AMY2B: variants seen among roughly 807,000 people sequenced by gnomAD.
AMY2B encodes amylase alpha 2B, also known as alpha-amylase 2B.
AMY2B carries 63 observed loss-of-function variants against 59.3 expected under a neutral mutation model. That is an observed-to-expected ratio of 1.06 (90% confidence interval 0.87 to 1.31). AMY2B has a LOEUF of 1.31. AMY2B is among the 50% of genes most tolerant of loss of function. The pLI is 0.00. For synonymous variants in AMY2B, 180 were observed against 198.1 expected (o/e 0.91, Z 0.77); for missense variants, 635 against 626.7 (o/e 1.01, Z -0.14).
intron 8 of AMY2B, 27 bp downstream of exon 8, chr1:103,577,635 T>C: frequency 6.2e-7 from 1 of 1,611,904 alleles, no homozygotes; most frequent in Non-Finnish European, 8.5e-7. Flanking sequence ...AGACATGTCC[T>C]CTAATAGTAA....
intron 3 of AMY2B, among the ~76,000 whole-genome samples, 154 bp from the exon 4 acceptor site, chr1:103,573,554 A>G (rs1336641300): frequency 6.6e-6 from 1 of 152,168 alleles, no homozygotes. Context: ...TCCAAGATAC[A>G]TCTATAGTAG....
chr1:103,570,544 C>T (rs1652086214), upstream of AMY2B: 1 of 607,338 alleles, frequency 1.6e-6, no homozygotes, highest in Non-Finnish European at 3.2e-6. Context: ...ATCGCATCCC[C>T]AGAGCACAAG....
At chr1:103,569,661 C>T (rs1652042911), upstream of AMY2B, 1 of 378,734 alleles carries the variant, frequency 2.6e-6, no homozygotes, top group Non-Finnish European at 5.3e-6. Context: ...ATCATCGGTG[C>T]CCCCGGCACC....
intron 1 of AMY2B, chr1:103,561,735 G>A (rs557516470): frequency 4.7e-4 from 72 of 152,074 alleles, no homozygotes; most frequent in African/African-American, 1.6e-3. Context: ...TGTAGAAAAA[G>A]GAAGGAAGAC....
chr1:103,562,976 G>C (rs368200466), intron 1 of AMY2B, among the ~76,000 whole-genome samples: 4 of 151,890 alleles, frequency 2.6e-5, no homozygotes, highest in Non-Finnish European at 5.9e-5. Flanking sequence ...CACTAGAGCC[G>C]TTTCCCTATA....
At chr1:103,570,162 C>G, upstream of AMY2B, 1 of 462,128 alleles carries the variant, frequency 2.2e-6, no homozygotes. Flanking sequence ...GCACCACTGC[C>G]GAGCGGGAGA....
rs1652141972 is a variant in AMY2B, at chr1:103,571,774, G to T, written c.168+4G>T. 6.2e-7 allele frequency: 1 copy of T among 1,611,816 alleles called. No homozygotes were observed. Among genetic ancestry groups the T allele is most frequent in the Non-Finnish European group, 8.5e-7 (1 of 1,179,814 alleles). ...CAAGGGATTTGGAGGGGTTCAGGTG[G>T]GTATGATTCATAGTATCAATTGCAG... On this transcript the variant is annotated splice_donor_region_variant and intron_variant, in intron 1 of 9. Coordinates refer to ENST00000684275, the MANE Select transcript of AMY2B (RefSeq NM_001387437.1).
chr1:103,562,077 T>G (rs1437898333), intron 1 of AMY2B: 1 of 152,166 alleles, frequency 6.6e-6, no homozygotes, highest in African/African-American at 2.4e-5. Flanking sequence ...AGATTGCTGA[T>G]TGAGAGAAGT....
intron 1 of AMY2B, chr1:103,561,668 T>G (rs2101062317): frequency 6.6e-6 from 1 of 151,990 alleles, no homozygotes; most frequent in East Asian, 1.9e-4. Context: ...ATATATTCCC[T>G]ATATATTATA....
At chr1:103,571,291 T>G (rs921734072), upstream of AMY2B, 2 of 752,222 alleles carry the variant, frequency 2.7e-6, no homozygotes, top group African/African-American at 3.6e-5. Flanking sequence ...TTTAAAGAGA[T>G]GACAACAAAT....
chr1:103,555,989 CG>C (rs1487866014), intron 1 of AMY2B, among the ~76,000 whole-genome samples: 1 of 151,930 alleles, frequency 6.6e-6, no homozygotes, highest in Non-Finnish European at 1.5e-5. Flanking sequence ...TCATTAGTAA[CG>C]GTAGGATGAA....
At chr1:103,557,530 T>C (rs1040734230) in intron 1 of AMY2B, among the ~76,000 whole-genome samples, 2 of 151,958 alleles carry the variant, frequency 1.3e-5, no homozygotes, top group Non-Finnish European at 2.9e-5. Flanking sequence ...GGCTCATGCC[T>C]GTGGTCCCAG....
At chr1:103,574,723 A>C (rs1652277399) in intron 5 of AMY2B, among the ~76,000 whole-genome samples, 1 of 151,966 alleles carries the variant, frequency 6.6e-6, no homozygotes. Context: ...AAGTATGTAC[A>C]AAGTTTCCAT....
chr1:103,571,498 G>C, upstream of AMY2B: 1 of 1,572,792 alleles, frequency 6.4e-7, no homozygotes, highest in East Asian at 2.2e-5. Flanking sequence ...TGAGTAAACA[G>C]TTTGCCCTCA....
At chr1:103,571,166 G>A, upstream of AMY2B, 1 of 872,202 alleles carries the variant, frequency 1.1e-6, no homozygotes, top group Non-Finnish European at 1.4e-6. Context: ...TCTGTTGTCT[G>A]CCAGAACACC....
upstream of AMY2B, chr1:103,570,458 C>T: frequency 1.4e-6 from 1 of 739,600 alleles, no homozygotes; most frequent in Non-Finnish European, 2.4e-6. Context: ...CTGGTGGCAA[C>T]ATGTACCCAG....
chr1:103,555,520 C>T (rs1356291744), intron 1 of AMY2B, among the ~76,000 whole-genome samples: 1 of 152,076 alleles, frequency 6.6e-6, no homozygotes, highest in Non-Finnish European at 1.5e-5. Context: ...GTAATACAGT[C>T]TTCCATTTTT....
chr1:103,569,588 T>G (rs1170473653), upstream of AMY2B: 1 of 381,736 alleles, frequency 2.6e-6, no homozygotes, highest in Non-Finnish European at 5.3e-6. Flanking sequence ...TGATTGACAA[T>G]GGCTCCAGCA....
chr1:103,578,324 A>G (rs1328162270), intron 9 of AMY2B, among the ~76,000 whole-genome samples: 1 of 152,156 alleles, frequency 6.6e-6, no homozygotes, highest in Non-Finnish European at 1.5e-5. Flanking sequence ...CTTGTGACAA[A>G]TAATATTTTT....
Sources: allele counts gnomAD v4.1 joint callset (sites outside exome capture counted in the v4.1 genomes callset), GRCh38; gene constraint gnomAD v4.1.1; transcripts MANE v1.5; gene names NCBI Gene and HGNC (gene_info 2026-07-23, HGNC 2026-07-21).